RRAGD: variants seen among roughly 807,000 people sequenced by gnomAD.
The protein encoded by RRAGD is ras-related GTP-binding protein D.
In RRAGD, 12 loss-of-function variants were observed where a neutral mutation model predicts 35.5. The ratio of observed to expected loss-of-function variants is 0.34; its 90% CI spans 0.22 to 0.55. The LOEUF (loss-of-function observed/expected upper bound fraction) is 0.55, where lower values mean the gene tolerates loss of function less well. Ranked by LOEUF, RRAGD falls within the 20% of genes least tolerant of loss-of-function variation. The pLI is 0.91. For synonymous variants in RRAGD, 155 were observed against 178.9 expected (o/e 0.87, Z 1.07); for missense variants, 324 against 490.1 (o/e 0.66, Z 3.20).
chr6:89,375,931 CA>C (rs1257823768), intron 5 of RRAGD, among the ~76,000 whole-genome samples: 1 of 152,162 alleles, frequency 6.6e-6, no homozygotes, highest in Non-Finnish European at 1.5e-5. Context: ...AACAACTTAC[CA>C]CTTACAGCTA....
chr6:89,388,973 A>G (rs554307011), intron 1 of RRAGD, among the ~76,000 whole-genome samples: 245 of 152,328 alleles, frequency 1.6e-3, no homozygotes, highest in African/African-American at 5.7e-3. Context: ...TGCTGATCTG[A>G]CAGGAGGCAG....
At chr6:89,402,713 G>A (rs1344343776) in intron 1 of RRAGD, among the ~76,000 whole-genome samples, 3 of 152,200 alleles carry the variant, frequency 2.0e-5, no homozygotes, top group Non-Finnish European at 4.4e-5. Context: ...AGGACTCAGG[G>A]CCTCAGAAGG....
intron 1 of RRAGD, among the ~76,000 whole-genome samples, chr6:89,387,868 G>C (rs147011973): frequency 6.6e-6 from 1 of 152,066 alleles, no homozygotes; most frequent in African/African-American, 2.4e-5. Flanking sequence ...ACACCATCCC[G>C]GAGGCCAGAC....
Position 89,412,040 on chromosome 6 carries a change from G to A in RRAGD, c.-47C>T, listed in dbSNP as rs950809613. ...CCGGGGACGGCGGGGGTCCCGGGGTGGGGGCCAAGCCTCCTAGCCGGCCGC... is the reference window on the plus strand; with the variant it reads ...CCGGGGACGGCGGGGGTCCCGGGGTAGGGGCCAAGCCTCCTAGCCGGCCGC... On this transcript the variant is annotated 5_prime_UTR_variant, in exon 1 of 7. Coordinates refer to ENST00000369415, the MANE Select transcript of RRAGD (RefSeq NM_021244.5). The surrounding 1 kb of genome is among the most constrained non-coding windows in gnomAD (Gnocchi z 4.2). The A allele has an allele frequency of 1.9e-5, 29 of 1,505,950 alleles. No individual in the cohort carries two copies. The Admixed American group carries it at 5.1e-4, about 27-fold the overall frequency. The allele number at this position is 1,505,950 out of a possible 1,614,324, so 93.3% of individuals were successfully genotyped here.
intron 5 of RRAGD, among the ~76,000 whole-genome samples, chr6:89,376,589 G>T (rs1768950587): frequency 6.6e-6 from 1 of 152,146 alleles, no homozygotes; most frequent in Non-Finnish European, 1.5e-5. Context: ...TTCACACCTA[G>T]TCAGTCTGTA....
chr6:89,405,308 C>CGCA (rs1414119439), intron 1 of RRAGD, among the ~76,000 whole-genome samples: 1 of 142,382 alleles, frequency 7.0e-6, no homozygotes, highest in African/African-American at 2.7e-5. Flanking sequence ...GAGCCGAGAT[C>CGCA]GCACCACTGC....
Position 89,412,102 on chromosome 6 carries a change from C to A in RRAGD, c.-109G>T. 9.3e-7 allele frequency: 1 copy of A among 1,080,358 alleles called. No homozygotes were observed. Among genetic ancestry groups the A allele is most frequent in the Non-Finnish European group, 1.2e-6 (1 of 828,212 alleles). 66.9% of individuals were successfully genotyped at this position (1,080,358 alleles called of 1,614,324 possible). ...TTCTGAAGCGGAGGTTTGTCTAGAG[C>A]TCAGCGGGGCCCGGCGGAAGCGGGG... On this transcript the variant is annotated 5_prime_UTR_variant, in exon 1 of 7. Transcript: ENST00000369415. This position sits in a 1 kb window ranked among gnomAD's most constrained non-coding sequence, Gnocchi z 4.2.
chr6:89,399,792 C>T (rs561887549), intron 1 of RRAGD, among the ~76,000 whole-genome samples: 3 of 130,232 alleles, frequency 2.3e-5, no homozygotes, highest in African/African-American at 9.4e-5. Flanking sequence ...TTTGTAGAGA[C>T]GAGGTCTCCC....
chr6:89,398,400 T>C (rs983992395), intron 1 of RRAGD, among the ~76,000 whole-genome samples: 5 of 152,220 alleles, frequency 3.3e-5, no homozygotes, highest in African/African-American at 1.2e-4. Flanking sequence ...CTAACAGTTA[T>C]AGTTGCTCTG....
chr6:89,376,421 A>T (rs1768946779), intron 5 of RRAGD, among the ~76,000 whole-genome samples: 1 of 152,132 alleles, frequency 6.6e-6, no homozygotes, highest in Admixed American at 6.5e-5. Flanking sequence ...CTAGACTCTC[A>T]CAAAAGCTGA....
At chr6:89,403,088 T>G (rs1384727916) in intron 1 of RRAGD, among the ~76,000 whole-genome samples, 1 of 152,228 alleles carries the variant, frequency 6.6e-6, no homozygotes, top group Non-Finnish European at 1.5e-5. Flanking sequence ...TAGCATATTA[T>G]ATGCTTAAAA....
At position 89,365,154 on chromosome 6, in the gene RRAGD, T is replaced by C. The variant is rs1306852685; in HGVS notation, c.*2902A>G. On this transcript the variant is annotated 3_prime_UTR_variant, in exon 7 of 7. Coordinates refer to ENST00000369415, the MANE Select transcript of RRAGD (RefSeq NM_021244.5). ...CCAAAATATGTTCACAAAAGAACAG[T>C]TTGTGAATGTCAACCAGTTTTTGCT... The C allele has an allele frequency of 6.6e-6, 1 of 152,186 alleles. No individual in the cohort carries two copies. Among genetic ancestry groups the C allele is most frequent in the East Asian group, 1.9e-4 (1 of 5,202 alleles). 9.4% of individuals were successfully genotyped at this position (152,186 alleles called of 1,614,324 possible).
intron 6 of RRAGD, 33 bp downstream of exon 6, chr6:89,372,404 T>A: frequency 1.9e-6 from 3 of 1,579,084 alleles, no homozygotes; most frequent in Non-Finnish European, 2.6e-6. Context: ...ATGCTTCTTT[T>A]AATGCTTCTT....
At chr6:89,408,684 G>GA (rs1211406109) in intron 1 of RRAGD, among the ~76,000 whole-genome samples, 4 of 152,170 alleles carry the variant, frequency 2.6e-5, no homozygotes, top group African/African-American at 9.7e-5. Context: ...ACTGGACTGT[G>GA]GGTGAGCAGC....
rs137933539 is a variant in RRAGD at position 89,370,928 on chromosome 6, A to G, written c.1051+1509T>C. ...TGTTTTTTTGCTAAATATTATTTCT[A>G]AATTTTCTAAAAGAATCTATTACTT... On this transcript the variant is annotated intron_variant, in intron 6 of 6. Transcript: ENST00000369415. Among the ~76,000 whole-genome samples, 684 of 151,976 alleles carry G rather than the reference A, an allele frequency of 4.5e-3. 5 individuals are homozygous for G. The highest frequency in any genetic ancestry group is 0.015 in the African/African-American group (635 of 41,546).
chr6:89,395,135 T>C (rs571724567), intron 1 of RRAGD, among the ~76,000 whole-genome samples: 4 of 152,336 alleles, frequency 2.6e-5, no homozygotes, highest in African/African-American at 9.6e-5. Context: ...GGTAAGCACC[T>C]GTAGTCACAG....
At chr6:89,408,236 A>G (rs1297958557) in intron 1 of RRAGD, among the ~76,000 whole-genome samples, 1 of 152,194 alleles carries the variant, frequency 6.6e-6, no homozygotes, top group Non-Finnish European at 1.5e-5. Flanking sequence ...TTTCTAGCTC[A>G]TGATAGGGCA....
chr6:89,376,458 C>T (rs1369300562), intron 5 of RRAGD, among the ~76,000 whole-genome samples: 2 of 152,022 alleles, frequency 1.3e-5, no homozygotes, highest in African/African-American at 4.8e-5. Context: ...CTGTGTAAGG[C>T]AGGTCACAGG....
intron 1 of RRAGD, among the ~76,000 whole-genome samples, chr6:89,390,290 C>T (rs1234478413): frequency 1.3e-5 from 2 of 152,076 alleles, no homozygotes; most frequent in Admixed American, 1.3e-4. Flanking sequence ...AGTCTAGTAT[C>T]CCGAATATAT....
Sources: allele counts gnomAD v4.1 joint callset (sites outside exome capture counted in the v4.1 genomes callset), GRCh38; gene constraint gnomAD v4.1.1; non-coding constraint Gnocchi (gnomAD v3.1); transcripts MANE v1.5; gene names NCBI Gene and HGNC (gene_info 2026-07-23, HGNC 2026-07-21).